The following PPP2R3B variants were observed in gnomAD, a reference collection of about 807,000 sequenced individuals.
PPP2R3B encodes the protein serine/threonine-protein phosphatase 2A regulatory subunit B'' subunit beta.
Under a neutral mutation model 72.9 loss-of-function variants are expected in PPP2R3B, and 68 were observed. That is an observed-to-expected ratio of 0.93 (90% CI 0.77 to 1.14). The LOEUF (loss-of-function observed/expected upper bound fraction) is 1.14. Among genes scored for constraint, PPP2R3B ranks in the 50% most tolerant of loss-of-function variants. The probability of loss-of-function intolerance (pLI) is 0.00; values close to 1 mark genes in which losing one functional copy is unlikely to be tolerated. For synonymous variants in PPP2R3B, 466 were observed against 375.8 expected, an observed-to-expected ratio of 1.24 and a Z score of -2.78; for missense variants, 1,018 against 842.0, an observed-to-expected ratio of 1.21 and a Z score of -2.59.
intron 2 of PPP2R3B, among the ~76,000 whole-genome samples, chrX:350,817 C>G (rs979469500): frequency 6.6e-6 from 1 of 152,184 alleles, no homozygotes; most frequent in Non-Finnish European, 1.5e-5. Context: ...AGCCCCGTGG[C>G]CCGGCCAGGA....
intron 1 of PPP2R3B, among the ~76,000 whole-genome samples, chrX:379,810 A>C (rs2072085211): frequency 6.6e-6 from 1 of 152,254 alleles, no homozygotes; most frequent in South Asian, 2.1e-4. Context: ...AAATTCCAAC[A>C]GGCTTTTCTT....
rs928162697 is a variant in PPP2R3B at position 377,867 on chromosome X, C to G, written c.324+8501G>C. ...GGCCGTCCACACCCAGTGGGTCCGC[C>G]GTGGGGCTGTCTATACACTACTGTG... On this transcript the variant is annotated intron_variant, in intron 1 of 12. Transcript: ENST00000390665. Among the ~76,000 whole-genome samples the G allele has an allele frequency of 1.3e-3, 131 of 97,530 alleles. 7 individuals are homozygous for G. The highest frequency in any genetic ancestry group is 6.7e-3 in the African/African-American group (116 of 17,410). 64.0% of individuals were successfully genotyped at this position (97,530 alleles called of 152,430 possible). A position where few individuals can be genotyped will look rare whatever the true frequency, so the allele number is the denominator to read the frequency against.
chrX:357,640 T>G (rs1275089589), intron 2 of PPP2R3B, among the ~76,000 whole-genome samples: 2 of 152,132 alleles, frequency 1.3e-5, no homozygotes, highest in Admixed American at 1.3e-4. Flanking sequence ...AAGAAATTTC[T>G]AAGTTACGCA....
chrX:368,683 G>A (rs868308037), intron 1 of PPP2R3B, among the ~76,000 whole-genome samples: 18 of 80,398 alleles, frequency 2.2e-4, no homozygotes, highest in Non-Finnish European at 3.0e-4. Flanking sequence ...GGGGAAGGCC[G>A]GGACCACCCA....
intron 2 of PPP2R3B, among the ~76,000 whole-genome samples, chrX:353,935 C>T (rs1232422641): frequency 6.9e-6 from 1 of 145,760 alleles, no homozygotes; most frequent in East Asian, 2.1e-4. Context: ...GGACCGGGGG[C>T]TCACCCAGGG....
Position 334,061 on chromosome X carries a change from C to T in PPP2R3B, c.*306G>A. On this transcript the variant is annotated 3_prime_UTR_variant, in exon 13 of 13. Coordinates refer to ENST00000390665, the MANE Select transcript of PPP2R3B (RefSeq NM_013239.5). ...GGGAGCCGCCGGTCACCGTTGTGCGCACACGGACCCTTTCCACAGACGCAG... is the reference window on the plus strand; with the variant it reads ...GGGAGCCGCCGGTCACCGTTGTGCGTACACGGACCCTTTCCACAGACGCAG... 3.2e-6 allele frequency: 1 copy of T among 307,708 alleles called. No individual in the cohort carries two copies. The highest frequency in any genetic ancestry group is 5.6e-5 in the East Asian group (1 of 17,778). 19.1% of individuals were successfully genotyped at this position (307,708 alleles called of 1,614,324 possible).
At chrX:368,845 T>C (rs866429069) in intron 1 of PPP2R3B, among the ~76,000 whole-genome samples, 172 of 91,976 alleles carry the variant, frequency 1.9e-3, no homozygotes, top group Middle Eastern at 7.4e-3. Flanking sequence ...CCACCCACCT[T>C]GGGCACCGAC....
At position 347,664 on chromosome X, in the gene PPP2R3B, C is replaced by A; in HGVS notation, c.540G>T (p.Gly180=). 6.4e-7 allele frequency: 1 copy of A among 1,559,128 alleles called. No homozygotes were observed. Among genetic ancestry groups the A allele is most frequent in the South Asian group, 1.2e-5 (1 of 85,050 alleles). Reference sequence around the variant, plus strand: ...CCCCGCCGGCGCCATAGAAGAGCGGCCCCTTCCAGTAGAGGGGGCAGCCGC... The same window carrying A: ...CCCCGCCGGCGCCATAGAAGAGCGGACCCTTCCAGTAGAGGGGGCAGCCGC... ...KACGCPLYWK[G]PLFYGAGGER... is the part of the protein sequence containing the mutation. The change falls in exon 3 of 13, where the codon GGG becomes GGT. Residue 180 remains glycine, a synonymous_variant. Transcript: ENST00000390665.
rs1163618956 is a variant in PPP2R3B at position 386,222 on chromosome X, T to TG, written c.324+145dup. 1.7e-3 allele frequency: 716 copies of TG among 415,896 alleles called. 2 individuals carry two copies. Among genetic ancestry groups the TG allele is most frequent in the South Asian group, 5.3e-3 (35 of 6,632 alleles). 25.8% of individuals were successfully genotyped at this position (415,896 alleles called of 1,614,324 possible). A position where few individuals can be genotyped will look rare whatever the true frequency, so the allele number is the denominator to read the frequency against. ...GACTTTCTTGTCTGTATGTGTGTGGTGGGGGGGGTCGGGGCGGGGAACAGA... is the reference window on the plus strand; with the variant it reads ...GACTTTCTTGTCTGTATGTGTGTGGTGGGGGGGGGTCGGGGCGGGGAACAGA... On this transcript the variant is annotated intron_variant, in intron 1 of 12. Coordinates refer to ENST00000390665, the MANE Select transcript of PPP2R3B (RefSeq NM_013239.5).
intron 1 of PPP2R3B, among the ~76,000 whole-genome samples, chrX:385,183 T>C (rs2072218530): frequency 6.6e-6 from 1 of 151,934 alleles, no homozygotes; most frequent in Non-Finnish European, 1.5e-5. Flanking sequence ...GTTTGTTCAA[T>C]ACCCATGCGT....
At chrX:373,551 C>T (rs1026960654) in intron 1 of PPP2R3B, 5 of 248,038 alleles carry the variant, frequency 2.0e-5, no homozygotes, top group South Asian at 3.6e-5. Context: ...GGCCTTCAGC[C>T]GCTTCTTGAA....
intron 12 of PPP2R3B, chrX:334,866 GAACA>G (rs1015690281): frequency 7.7e-6 from 2 of 260,136 alleles, no homozygotes; most frequent in East Asian, 6.9e-5. Flanking sequence ...CAGGACTGGA[GAACA>G]AACAGGACCA....
At chrX:351,379 G>A (rs28731228) in intron 2 of PPP2R3B, among the ~76,000 whole-genome samples, 18,259 of 152,158 alleles carry the variant, frequency 0.12, 1,922 homozygotes, top group East Asian at 0.27. Flanking sequence ...GGGGGGATGT[G>A]TGAGCCTTCA....
intron 8 of PPP2R3B, chrX:341,660 G>A (rs925695208): frequency 2.1e-5 from 14 of 655,152 alleles, no homozygotes; most frequent in Non-Finnish European, 3.2e-5. Flanking sequence ...CCCCCGACCT[G>A]GGGCCTGGGC....
chrX:369,547 C>T (rs748839621), intron 1 of PPP2R3B, among the ~76,000 whole-genome samples: 2 of 152,318 alleles, frequency 1.3e-5, no homozygotes, highest in African/African-American at 4.8e-5. Context: ...AACACTGAGG[C>T]TGCCTGTTTT....
At chrX:360,603 G>C (rs2071519121) in intron 2 of PPP2R3B, among the ~76,000 whole-genome samples, 1 of 152,230 alleles carries the variant, frequency 6.6e-6, no homozygotes, top group South Asian at 2.1e-4. Context: ...CAGAGCTGGA[G>C]AGGGCTGGGG....
At chrX:335,620 G>A (rs1298167720) in intron 12 of PPP2R3B, 1 of 152,248 alleles carries the variant, frequency 6.6e-6, no homozygotes, top group Non-Finnish European at 1.5e-5. Flanking sequence ...GCGGGCTGCG[G>A]TGTCCATGGC....
At chrX:349,195 G>A (rs949276144) in intron 2 of PPP2R3B, among the ~76,000 whole-genome samples, 2 of 152,026 alleles carry the variant, frequency 1.3e-5, no homozygotes, top group African/African-American at 4.8e-5. Flanking sequence ...TCATGAATGC[G>A]ATGAGTCCCC....
chrX:344,120 CCAACGGGAGGCGGGAGGGAGACCTCAG>C (rs1556126208), intron 7 of PPP2R3B, among the ~76,000 whole-genome samples: 490 of 23,926 alleles, frequency 0.02, 34 homozygotes, highest in African/African-American at 0.069. Flanking sequence ...TGAGACCTCA[CCAACGGGAGGCGGGAGGGAGACCTCAG>C]CAACGGGAGG....
Sources: allele counts gnomAD v4.1 joint callset (sites outside exome capture counted in the v4.1 genomes callset), GRCh38; gene constraint gnomAD v4.1.1; transcripts MANE v1.5; gene names NCBI Gene and HGNC (gene_info 2026-07-23, HGNC 2026-07-21).